The following PSMA7 variants were observed in gnomAD, a reference collection of about 807,000 sequenced individuals.
PSMA7 encodes the protein proteasome 20S subunit alpha 7, also known as proteasome subunit alpha type-7.
In PSMA7, 5 loss-of-function variants were observed where a neutral mutation model predicts 31.3. The ratio of observed to expected loss-of-function variants is 0.16; its 90% confidence interval spans 0.08 to 0.34. PSMA7 has a LOEUF of 0.34. Among genes scored for constraint, PSMA7 ranks in the 10% least tolerant of loss-of-function variants. The pLI is 1.00. For synonymous variants in PSMA7, 155 were observed against 121.9 expected (o/e 1.27, Z -1.79); for missense variants, 217 against 327.5 (o/e 0.66, Z 2.60).
At chr20:62,142,266 C>T (rs2056934947) in intron 1 of PSMA7, among the ~76,000 whole-genome samples, 1 of 152,084 alleles carries the variant, frequency 6.6e-6, no homozygotes, top group South Asian at 2.1e-4. Context: ...GCGGGGGTGG[C>T]AGTATTGGGG....
chr20:62,139,027 A>G lies in PSMA7; in HGVS notation c.471+48T>C, dbSNP rs763354063. 1.4e-5 allele frequency: 22 copies of G among 1,601,160 alleles called. No individual in the cohort carries two copies. The South Asian group carries it at 2.1e-4, about 15-fold the overall frequency. ...AAGCCCAGGACCTCCCACCCCTCAA[A>G]GCCTTTTTCTGGCAAGACTGTCCAA... On this transcript the variant is annotated intron_variant, in intron 4 of 6. Transcript: ENST00000370873.
intron 1 of PSMA7, 162 bp downstream of exon 1, chr20:62,143,046 G>C (rs1739845323): frequency 9.7e-6 from 2 of 205,520 alleles, no homozygotes; most frequent in South Asian, 1.7e-4. Flanking sequence ...CGTGGAGACC[G>C]GCAGCGGGGC....
chr20:62,140,117 C>A (rs1021968529), intron 2 of PSMA7, among the ~76,000 whole-genome samples: 2 of 152,158 alleles, frequency 1.3e-5, no homozygotes, highest in African/African-American at 4.8e-5. Flanking sequence ...TGGTATCCCG[C>A]TAAACTCATC....
chr20:62,137,311 T>G, intron 6 of PSMA7, 53 bp downstream of exon 6: 2 of 1,569,150 alleles, frequency 1.3e-6, no homozygotes, highest in South Asian at 1.1e-5. Context: ...TGCTCAGCCC[T>G]GATCATGGGA....
chr20:62,143,152 T>G, intron 1 of PSMA7, 56 bp downstream of exon 1: 4 of 1,178,776 alleles, frequency 3.4e-6, no homozygotes, highest in Non-Finnish European at 4.3e-6. Context: ...CTCTCTGGGC[T>G]CCCCAGCCCC....
At chr20:62,142,220 C>T (rs2056934534) in intron 1 of PSMA7, among the ~76,000 whole-genome samples, 3 of 152,152 alleles carry the variant, frequency 2.0e-5, no homozygotes, top group Admixed American at 6.5e-5. Flanking sequence ...CCCAGAGAAG[C>T]TATATGGGTT....
intron 2 of PSMA7, 45 bp from the exon 3 acceptor site, chr20:62,139,950 CTACAGG>C: frequency 6.2e-7 from 1 of 1,600,634 alleles, no homozygotes; most frequent in African/African-American, 1.3e-5. Flanking sequence ...ACAGCACAAA[CTACAGG>C]GTGGGGACAG....
At chr20:62,140,392 G>A (rs1417328955) in intron 2 of PSMA7, among the ~76,000 whole-genome samples, 1 of 152,200 alleles carries the variant, frequency 6.6e-6, no homozygotes, top group Non-Finnish European at 1.5e-5. Flanking sequence ...GGAGAAATGA[G>A]CAAGACCAAA....
At chr20:62,138,091 C>T in intron 5 of PSMA7, 80 bp downstream of exon 5, 1 of 1,591,346 alleles carries the variant, frequency 6.3e-7, no homozygotes, top group Non-Finnish European at 8.6e-7. Context: ...TGCCACCTTC[C>T]TTCCTGCTCA....
chr20:62,136,754 G>T lies in PSMA7; in HGVS notation c.*103C>A. On this transcript the variant is annotated 3_prime_UTR_variant, in exon 7 of 7. Transcript: ENST00000370873. ...CAGGTTAAAAATACGGAAGTTTATT[G>T]TAGGACACTCAGTGTGAATAAATGG... 3 of 1,426,752 alleles carry T rather than the reference G, an allele frequency of 2.1e-6. No homozygotes were observed. The highest frequency in any genetic ancestry group is 1.9e-6 in the Non-Finnish European group (2 of 1,074,454). 88.4% of individuals were successfully genotyped at this position (1,426,752 alleles called of 1,614,324 possible). A position where few individuals can be genotyped will look rare whatever the true frequency, so the allele number is the denominator to read the frequency against.
At chr20:62,140,693 T>C in intron 2 of PSMA7, 125 bp downstream of exon 2, 2 of 1,240,798 alleles carry the variant, frequency 1.6e-6, no homozygotes, top group Non-Finnish European at 2.2e-6. Context: ...TCCAATTCTT[T>C]TAAATGATTT....
At chr20:62,139,648 A>C (rs749020085) in intron 3 of PSMA7, 133 bp downstream of exon 3, 1 of 1,452,524 alleles carries the variant, frequency 6.9e-7, no homozygotes, top group Admixed American at 1.7e-5. Context: ...CACTTGTGCA[A>C]GTCAAGATTA....
At chr20:62,138,477 T>G (rs180953334) in intron 4 of PSMA7, among the ~76,000 whole-genome samples, 187 bp from the exon 5 acceptor site, 37 of 152,212 alleles carry the variant, frequency 2.4e-4, no homozygotes, top group African/African-American at 8.9e-4. Context: ...CTCTTTAGAG[T>G]TGATGCTGAT....
rs2056912518 is a variant in PSMA7 at position 62,139,205 on chromosome 20, G to A, written c.349-8C>T. ...ATTGCTCTGCGTATAACGCTAGCAA[G>A]AAAAGAAACAGGTCAGTGCCATCCA... On this transcript the variant is annotated splice_region_variant and splice_polypyrimidine_tract_variant and intron_variant, in intron 3 of 6. Transcript: ENST00000370873. 6.2e-7 allele frequency: 1 copy of A among 1,612,958 alleles called. No homozygotes were observed. Among genetic ancestry groups the A allele is most frequent in the Non-Finnish European group, 8.5e-7 (1 of 1,179,338 alleles).
Position 62,140,808 on chromosome 20 carries a change from C to T in PSMA7, c.223+10G>A, listed in dbSNP as rs2056923229. On this transcript the variant is annotated intron_variant, in intron 2 of 6. Coordinates refer to ENST00000370873, the MANE Select transcript of PSMA7 (RefSeq NM_002792.4). Reference sequence around the variant, plus strand: ...TAGAGAGTAAGACAGCGCTCCCCACCGACTCATACCTGCAAAGGCCATGCA... The same window carrying T: ...TAGAGAGTAAGACAGCGCTCCCCACTGACTCATACCTGCAAAGGCCATGCA... The T allele has an allele frequency of 6.2e-6, 10 of 1,613,984 alleles. No individual in the cohort carries two copies. In the East Asian group the frequency reaches 6.7e-5, roughly 11 times the overall value.
At position 62,143,365 on chromosome 20, in the gene PSMA7, G is replaced by C. The variant is rs1445569385; in HGVS notation, c.-62C>G. ...TCTCAAAAGCGCACACTCACGGCCCGCGCGCACCCGCGACTCCCGGCGCCA... is the reference window on the plus strand; with the variant it reads ...TCTCAAAAGCGCACACTCACGGCCCCCGCGCACCCGCGACTCCCGGCGCCA... On this transcript the variant is annotated 5_prime_UTR_variant, in exon 1 of 7. Coordinates refer to ENST00000370873, the MANE Select transcript of PSMA7 (RefSeq NM_002792.4). 7.3e-6 allele frequency: 7 copies of C among 954,936 alleles called. No individual in the cohort carries two copies. The highest frequency in any genetic ancestry group is 5.3e-5 in the African/African-American group (3 of 56,664). The allele number at this position is 954,936 out of a possible 1,614,324, so 59.2% of individuals were successfully genotyped here.
chr20:62,139,308 C>G (rs2145664293), intron 3 of PSMA7, 111 bp from the exon 4 acceptor site: 1 of 1,326,716 alleles, frequency 7.5e-7, no homozygotes, highest in Middle Eastern at 1.9e-4. Flanking sequence ...AGCCCCTTCT[C>G]AGGTTATCAG....
At position 62,139,793 on chromosome 20, in the gene PSMA7, G is replaced by A; in HGVS notation, c.336C>T (p.Ala112=). The A allele has an allele frequency of 2.5e-6, 4 of 1,614,086 alleles. No individual in the cohort carries two copies. Among genetic ancestry groups the A allele is most frequent in the African/African-American group, 1.3e-5 (1 of 75,074 alleles). Residue 112 remains alanine (A), a synonymous_variant, in exon 3 of 7, where the codon GCC becomes GCT. Transcript: ENST00000370873. ...GGCAGGCACCCACCTGCTTCAGACT[G>A]GCGATGTAGCGGGTGATGTACTCCA... is the stretch of plus-strand genomic sequence containing the variant. ...VTVEYITRYI[A]SLKQRYTQSN... is the part of the protein sequence containing the mutation.
chr20:62,139,651 C>T (rs2056915180), intron 3 of PSMA7, 130 bp downstream of exon 3: 2 of 1,478,906 alleles, frequency 1.4e-6, no homozygotes, highest in Non-Finnish European at 1.9e-6. Context: ...TTGTGCAAGT[C>T]AAGATTAGGA....
Sources: allele counts gnomAD v4.1 joint callset (sites outside exome capture counted in the v4.1 genomes callset), GRCh38; gene constraint gnomAD v4.1.1; transcripts MANE v1.5; gene names NCBI Gene and HGNC (gene_info 2026-07-23, HGNC 2026-07-21).